Variants in USP28 observed in about 807,000 individuals in gnomAD.
USP28 encodes the protein ubiquitin carboxyl-terminal hydrolase 28.
In USP28, 113 loss-of-function variants were observed where a neutral mutation model predicts 145.0. That is an observed-to-expected ratio of 0.78 (90% CI 0.67 to 0.91). USP28 has a LOEUF of 0.91. USP28 is among the 40% of genes least tolerant of loss of function. The pLI, the probability that USP28 is intolerant of heterozygous loss-of-function variation, is 0.00. For missense variants in USP28, 1,201 were observed against 1,289.6 expected (o/e 0.93, Z 1.05); for synonymous variants, 447 against 450.9 (o/e 0.99, Z 0.11).
chr11:113,822,733 G>T (rs904383491), intron 12 of USP28, among the ~76,000 whole-genome samples: 1 of 152,218 alleles, frequency 6.6e-6, no homozygotes, highest in African/African-American at 2.4e-5. Flanking sequence ...TTCCAGGACA[G>T]TATTTGAGGA....
intron 1 of USP28, among the ~76,000 whole-genome samples, chr11:113,866,415 A>T (rs1948251918): frequency 6.6e-6 from 1 of 152,246 alleles, no homozygotes; most frequent in South Asian, 2.1e-4. Flanking sequence ...TGATATAAAA[A>T]ACTCTCTTTG....
chr11:113,824,931 T>TAAA (rs751056158), intron 11 of USP28, among the ~76,000 whole-genome samples: 38 of 118,390 alleles, frequency 3.2e-4, no homozygotes, highest in East Asian at 2.8e-3. Context: ...AACTCCGTCT[T>TAAA]AAAAAAAAAA....
Position 113,852,725 on chromosome 11 carries a change from T to C in USP28, c.136-92A>G, listed in dbSNP as rs1946612819. On this transcript the variant is annotated intron_variant, in intron 2 of 24. Transcript: ENST00000003302. ...TAACTTTATTACCCTGGTGACACAC[T>C]GAGTACTTTCAGGCATAATTCTAGG... The C allele has an allele frequency of 5.0e-6, 7 of 1,403,904 alleles. No homozygotes were observed. In the South Asian group the frequency reaches 8.8e-5, roughly 18 times the overall value. 87.0% of individuals were successfully genotyped at this position (1,403,904 alleles called of 1,614,324 possible).
Position 113,856,208 on chromosome 11 carries a change from G to A in USP28, c.58-1873C>T, listed in dbSNP as rs112284681. On this transcript the variant is annotated intron_variant, in intron 1 of 24. Coordinates refer to ENST00000003302, the Ensembl canonical transcript of USP28. ...CCATTTGATTTTACTGTATAAAAGC[G>A]GTATGAATCTATGTATCTCACACAA... 9.5e-3 allele frequency among the ~76,000 whole-genome samples: 1,450 copies of A among 152,202 alleles called. 24 individuals carry two copies. Among genetic ancestry groups the A allele is most frequent in the African/African-American group, 0.033 (1,355 of 41,496 alleles).
chr11:113,862,603 G>A lies in USP28; in HGVS notation c.58-8268C>T, dbSNP rs114980270. On this transcript the variant is annotated intron_variant, in intron 1 of 24. Coordinates refer to ENST00000003302, the Ensembl canonical transcript of USP28. ...GGCTACTGAGTAAACGAACTGTGAC[G>A]AGAGAGGCAGGATGCTGGTAGGCAA... Among the ~76,000 whole-genome samples the A allele has an allele frequency of 4.0e-3, 612 of 151,540 alleles. 5 individuals carry two copies. Among genetic ancestry groups the A allele is most frequent in the African/African-American group, 0.014 (592 of 40,860 alleles).
At chr11:113,809,992 G>A (rs181293835) in intron 16 of USP28, among the ~76,000 whole-genome samples, 17 of 135,188 alleles carry the variant, frequency 1.3e-4, no homozygotes, top group Middle Eastern at 5.2e-3. Flanking sequence ...CTGAGGTTGC[G>A]CCACTGCGCT....
chr11:113,816,946 T>C (rs192278102), intron 13 of USP28, among the ~76,000 whole-genome samples: 8 of 152,328 alleles, frequency 5.3e-5, no homozygotes, highest in Non-Finnish European at 1.0e-4. Flanking sequence ...TATGCATACA[T>C]GGATGAATAA....
At chr11:113,801,418 A>G in intron 24 of USP28, 65 bp downstream of exon 25, 1 of 1,338,464 alleles carries the variant, frequency 7.5e-7, no homozygotes, top group Non-Finnish European at 1.0e-6. Flanking sequence ...CAGTGCTATC[A>G]AGTGAGAACA....
At position 113,803,788 on chromosome 11, in the gene USP28, G is replaced by A; in HGVS notation, c.2738+10C>T. On this transcript the variant is annotated intron_variant, in intron 22 of 24. Transcript: ENST00000003302. Reference sequence around the variant, plus strand: ...ACTAATAATCTTGGTAAAATAAAAGGCCAACATACTTTCCTTTTTGATAGA... The same window carrying A: ...ACTAATAATCTTGGTAAAATAAAAGACCAACATACTTTCCTTTTTGATAGA... 1 of 1,608,372 alleles carries A rather than the reference G, an allele frequency of 6.2e-7. No individual in the cohort carries two copies. Among genetic ancestry groups the A allele is most frequent in the South Asian group, 1.1e-5 (1 of 90,572 alleles).
intron 2 of USP28, 119 bp from the exon 3 acceptor site, chr11:113,852,752 T>A (rs1457842119): frequency 1.7e-6 from 2 of 1,164,384 alleles, no homozygotes; most frequent in Non-Finnish European, 2.4e-6. Context: ...AATTCTAGGG[T>A]AGAATTATGA....
At chr11:113,834,285 C>T (rs773665192) in exon 6 of USP28, 125 of 1,611,456 alleles carry the variant, frequency 7.8e-5, no homozygotes, top group Non-Finnish European at 9.9e-5. Context: ...CATTTTGTGG[C>T]AGACTATAAC....
intron 1 of USP28, among the ~76,000 whole-genome samples, chr11:113,870,643 G>A (rs920454117): frequency 1.3e-5 from 2 of 152,250 alleles, no homozygotes; most frequent in Non-Finnish European, 2.9e-5. Flanking sequence ...TCAGCCATTT[G>A]CTGGAGCCCA....
At chr11:113,803,378 G>A (rs1328509046) in intron 22 of USP28, 97 bp from the exon 24 acceptor site, 2 of 1,367,124 alleles carry the variant, frequency 1.5e-6, no homozygotes, top group South Asian at 1.6e-5. Context: ...CTACTTGGCT[G>A]CAATTCTGAA....
At chr11:113,870,390 G>A (rs187629438) in intron 1 of USP28, among the ~76,000 whole-genome samples, 2 of 152,090 alleles carry the variant, frequency 1.3e-5, no homozygotes, top group Admixed American at 6.5e-5. Flanking sequence ...AGCCAAGTGC[G>A]GTGATGCACG....
At chr11:113,873,987 A>G (rs572728107) in intron 1 of USP28, among the ~76,000 whole-genome samples, 1 of 151,508 alleles carries the variant, frequency 6.6e-6, no homozygotes, top group South Asian at 2.1e-4. Context: ...CTAAAAATAC[A>G]AAAATTAGCT....
chr11:113,845,269 T>C (rs1291537182), intron 3 of USP28, among the ~76,000 whole-genome samples: 1 of 151,722 alleles, frequency 6.6e-6, no homozygotes, highest in South Asian at 2.1e-4. Flanking sequence ...TGAAACACCG[T>C]CTCTACTAAA....
At chr11:113,808,926 A>G (rs1231424242) in intron 17 of USP28, 137 bp downstream of exon 17, 2 of 780,240 alleles carry the variant, frequency 2.6e-6, no homozygotes, top group Non-Finnish European at 4.1e-6. Context: ...ATCAGGTTGT[A>G]CCTGGCATAC....
chr11:113,858,297 C>A (rs1168165223), intron 1 of USP28, among the ~76,000 whole-genome samples: 1 of 152,200 alleles, frequency 6.6e-6, no homozygotes, highest in Non-Finnish European at 1.5e-5. Context: ...AAGACCATTA[C>A]CTGATCCCCC....
intron 9 of USP28, 169 bp from the exon 10 acceptor site, chr11:113,829,514 G>T: frequency 1.3e-6 from 1 of 741,078 alleles, no homozygotes; most frequent in Non-Finnish European, 2.1e-6. Flanking sequence ...TCTAGACACT[G>T]AACAATGAAA....
Sources: gnomAD v4.1 joint callset for allele counts (sites outside exome capture counted in the v4.1 genomes callset) on GRCh38, gnomAD v4.1.1 for gene constraint, MANE v1.5 for transcripts, NCBI Gene and HGNC (gene_info 2026-07-23, HGNC 2026-07-21) for gene names.